ANKRD12: variants seen among roughly 807,000 people sequenced by gnomAD.
ANKRD12 encodes the protein ankyrin repeat domain 12, also known as ankyrin repeat domain-containing protein 12.
A neutral mutation model predicts 183.4 loss-of-function variants in ANKRD12; 85 were observed. The observed-to-expected ratio is 0.46, with a 90% CI of 0.39 to 0.56. The LOEUF is 0.56. Ranked by LOEUF, ANKRD12 falls within the 20% of genes least tolerant of loss-of-function variation. The pLI is 0.00. For synonymous variants in ANKRD12, 914 were observed against 800.2 expected (o/e 1.14, Z -2.40); for missense variants, 2,405 against 2,357.1 (o/e 1.02, Z -0.42).
intron 12 of ANKRD12, among the ~76,000 whole-genome samples, chr18:9,279,863 A>C (rs2040026948): frequency 6.6e-6 from 1 of 152,196 alleles, no homozygotes; most frequent in Admixed American, 6.5e-5. Context: ...TGCAGTTTCT[A>C]GTGTGGGTCT....
rs558238801 is a variant in ANKRD12 at position 9,221,229 on chromosome 18, A to C, written c.796-623A>C. Among the ~76,000 whole-genome samples, 6 of 152,314 alleles carry C rather than the reference A, an allele frequency of 3.9e-5. No homozygotes were observed. In the South Asian group the frequency reaches 1.2e-3, roughly 32 times the overall value. ...ACAGAGCAGAACCTGGTTATGTGGA[A>C]CTTGAAGCTTACGTAATTCGTTAGA... On this transcript the variant is annotated intron_variant, in intron 7 of 12. Coordinates refer to ENST00000262126, the MANE Select transcript of ANKRD12 (RefSeq NM_015208.5).
At position 9,195,593 on chromosome 18, in the gene ANKRD12, G is replaced by C; in HGVS notation, c.130G>C (p.Glu44Gln). Residue 44 changes from glutamate (E) to glutamine (Q), a missense_variant, in exon 3 of 13, where the codon GAA (glutamate) becomes CAA (glutamine). Around this residue, in one of 7 missense-constraint regions of ANKRD12, gnomAD observed 145 missense variants for 145.6 expected, o/e 1.00. Coordinates refer to ENST00000262126, the MANE Select transcript of ANKRD12 (RefSeq NM_015208.5). ...IASYSKTPKIERSDVSKEMKE... is the reference protein window; with the variant it reads ...IASYSKTPKIQRSDVSKEMKE... ...ATCCTACAGCAAAACTCCAAAAATTGAACGAAGTGATGTGAGCAAGGAGAT... is the reference window on the plus strand; with the variant it reads ...ATCCTACAGCAAAACTCCAAAAATTCAACGAAGTGATGTGAGCAAGGAGAT... The C allele has an allele frequency of 6.2e-7, 1 of 1,610,766 alleles. No homozygotes were observed. Among genetic ancestry groups the C allele is most frequent in the Non-Finnish European group, 8.5e-7 (1 of 1,178,500 alleles).
chr18:9,234,861 A>G (rs1372470366), intron 8 of ANKRD12, among the ~76,000 whole-genome samples: 1 of 152,142 alleles, frequency 6.6e-6, no homozygotes, highest in Non-Finnish European at 1.5e-5. Context: ...TTCAGATTGC[A>G]GCAGTTTGTG....
In ANKRD12 at chr18:9,258,699, A is replaced by C; in HGVS notation, c.5432A>C (p.Gln1811Pro). The stretch of plus-strand genomic sequence containing the variant: ...CTACAAGCAAAAGAGAAAACTCAGC[A>C]ATCTCTGGCAGCCATTGTAGATTCT... ...SLLQAKEKTQ[Q>P]SLAAIVDSLK... The change falls in exon 9 of 13, where the codon CAA becomes CCA. Residue 1811 changes from glutamine (Q) to proline (P), a missense_variant. This residue lies in a region of ANKRD12 where 1,983 missense variants were observed against 1,725.9 expected (regional missense o/e 1.15). Transcript: ENST00000262126. The C allele has an allele frequency of 6.2e-7, 1 of 1,613,984 alleles. No individual in the cohort carries two copies. Among genetic ancestry groups the C allele is most frequent in the Non-Finnish European group, 8.5e-7 (1 of 1,179,924 alleles).
In ANKRD12 at chr18:9,254,449, A is replaced by C. The variant is rs34690781; in HGVS notation, c.1182A>C (p.Glu394Asp). Residue 394 changes from glutamate (E) to aspartate (D), a missense_variant, in exon 9 of 13, where the codon GAA becomes GAC. Transcript: ENST00000262126. ...GAAAAGAAAATGAACCTGAAGCAGAAAAAACTCATTTATTTGCAAAACAGG... is the reference window on the plus strand; with the variant it reads ...GAAAAGAAAATGAACCTGAAGCAGACAAAACTCATTTATTTGCAAAACAGG... ...EQRKENEPEA[E>D]KTHLFAKQEK... The C allele has an allele frequency of 3.3e-4, 523 of 1,572,300 alleles. 2 individuals carry two copies. The African/African-American group carries it at 6.6e-3, about 20-fold the overall frequency.
At chr18:9,252,680 G>C (rs1324022888) in intron 8 of ANKRD12, among the ~76,000 whole-genome samples, 1 of 152,262 alleles carries the variant, frequency 6.6e-6, no homozygotes, top group East Asian at 1.9e-4. Context: ...TTACAGGGCT[G>C]GGTGCTGGGT....
At chr18:9,168,577 A>T (rs1339359281) in intron 1 of ANKRD12, among the ~76,000 whole-genome samples, 1 of 151,720 alleles carries the variant, frequency 6.6e-6, no homozygotes, top group Non-Finnish European at 1.5e-5. Flanking sequence ...CCCCTTTGTC[A>T]TTTTTTATTG....
At chr18:9,229,551 G>A (rs545492469) in intron 8 of ANKRD12, among the ~76,000 whole-genome samples, 92 of 152,042 alleles carry the variant, frequency 6.1e-4, no homozygotes, top group African/African-American at 2.1e-3. Flanking sequence ...TGTTGTTGTT[G>A]TTGTTTGTTT....
At chr18:9,192,601 T>G (rs2034521323) in intron 2 of ANKRD12, among the ~76,000 whole-genome samples, 1 of 152,236 alleles carries the variant, frequency 6.6e-6, no homozygotes, top group Non-Finnish European at 1.5e-5. Context: ...GGGAAATACC[T>G]GCTTCTTGAA....
At chr18:9,142,230 C>G (rs908076835) in intron 1 of ANKRD12, among the ~76,000 whole-genome samples, 2 of 152,196 alleles carry the variant, frequency 1.3e-5, no homozygotes, top group Admixed American at 6.5e-5. Flanking sequence ...TATATTGACT[C>G]TCAAAAGAAA....
At chr18:9,271,299 A>G (rs938115830) in intron 10 of ANKRD12, among the ~76,000 whole-genome samples, 2 of 152,148 alleles carry the variant, frequency 1.3e-5, no homozygotes, top group Admixed American at 1.3e-4. Context: ...GCACTTTGGA[A>G]GGCTGAGGCA....
chr18:9,187,512 T>G (rs898325489), intron 2 of ANKRD12, among the ~76,000 whole-genome samples: 3 of 152,198 alleles, frequency 2.0e-5, no homozygotes, highest in African/African-American at 7.2e-5. Context: ...ATTAATAAAA[T>G]AACCTAAACC....
intron 2 of ANKRD12, among the ~76,000 whole-genome samples, chr18:9,194,930 C>T (rs982951988): frequency 1.3e-5 from 2 of 152,108 alleles, no homozygotes; most frequent in African/African-American, 4.8e-5. Context: ...ATGGAATTAA[C>T]CTAAATGCGC....
At chr18:9,275,703 C>T (rs939847078) in intron 11 of ANKRD12, 36 bp downstream of exon 11, 1 of 1,481,148 alleles carries the variant, frequency 6.8e-7, no homozygotes, top group African/African-American at 1.4e-5. Context: ...AAGTAATGGT[C>T]TGAAAAAATG....
At chr18:9,218,162 T>G (rs2036216458) in intron 7 of ANKRD12, among the ~76,000 whole-genome samples, 1 of 152,242 alleles carries the variant, frequency 6.6e-6, no homozygotes, top group South Asian at 2.1e-4. Flanking sequence ...TGCCTGTGAC[T>G]AAGACATGGT....
chr18:9,209,302 T>C lies in ANKRD12; in HGVS notation c.451+499T>C, dbSNP rs562457378. Among the ~76,000 whole-genome samples the C allele has an allele frequency of 6.0e-4, 92 of 152,306 alleles. 1 individual carries two copies. Among genetic ancestry groups the C allele is most frequent in the Non-Finnish European group, 9.9e-4 (67 of 67,990 alleles). On this transcript the variant is annotated intron_variant, in intron 5 of 12. Coordinates refer to ENST00000262126, the MANE Select transcript of ANKRD12 (RefSeq NM_015208.5). ...CCAGGCAACTGGCCTGAGATAGTTA[T>C]TACTATTCACATCCTGGCAGCTAAA... is the stretch of plus-strand genomic sequence containing the variant.
chr18:9,263,915 T>G, intron 10 of ANKRD12, 27 bp downstream of exon 10: 1 of 1,346,934 alleles, frequency 7.4e-7, no homozygotes, highest in Non-Finnish European at 1.0e-6. Context: ...TTTACACTTA[T>G]GCTAAAAATA....
intron 5 of ANKRD12, among the ~76,000 whole-genome samples, chr18:9,211,015 T>A (rs8097848): frequency 0.56 from 85,508 of 151,532 alleles, 25,157 homozygotes; most frequent in South Asian, 0.75. Context: ...TTTTTTTTTT[T>A]AAATATAGAA....
chr18:9,211,614 C>T lies in ANKRD12; in HGVS notation c.482C>T (p.Thr161Met), dbSNP rs780779667. ...DSTPNHPSQT[T>M]PAQKKTPSSS... ...ACACCAAATCATCCATCACAAACAA[C>T]GCCTGCCCAAAAGAAAACTCCCAGT... The change falls in exon 6 of 13, where the codon ACG (threonine) becomes ATG (methionine). Residue 161 changes from threonine to methionine, a missense_variant. Coordinates refer to ENST00000262126, the MANE Select transcript of ANKRD12 (RefSeq NM_015208.5). 85 of 1,613,696 alleles carry T rather than the reference C, an allele frequency of 5.3e-5. No homozygotes were observed. Among genetic ancestry groups the T allele is most frequent in the Non-Finnish European group, 6.4e-5 (76 of 1,179,862 alleles).
Sources: allele counts gnomAD v4.1 joint callset (sites outside exome capture counted in the v4.1 genomes callset), GRCh38; gene constraint gnomAD v4.1.1; regional missense constraint gnomAD v4.1.1; transcripts MANE v1.5; gene names NCBI Gene and HGNC (gene_info 2026-07-23, HGNC 2026-07-21).